ZNF26: variants seen among roughly 807,000 people sequenced by gnomAD.
ZNF26 encodes epididymis luminal protein 179.
Under a neutral mutation model 54.9 loss-of-function variants are expected in ZNF26, and 32 were observed. The observed-to-expected ratio is 0.58, with a 90% CI of 0.44 to 0.78. ZNF26 has a LOEUF of 0.78. ZNF26 is among the 30% of genes least tolerant of loss of function. The probability of loss-of-function intolerance (pLI) is 0.00; values close to 1 mark genes in which losing one functional copy is unlikely to be tolerated. For missense variants in ZNF26, 524 were observed against 634.0 expected, an observed-to-expected ratio of 0.83 and a Z score of 1.86; for synonymous variants, 221 against 209.2, an observed-to-expected ratio of 1.06 and a Z score of -0.49.
At position 133,001,837 on chromosome 12, in the gene ZNF26, A is replaced by G; in HGVS notation, c.34-5205A>G. 1 of 489,114 alleles carries G rather than the reference A, an allele frequency of 2.0e-6. No individual in the cohort carries two copies. Among genetic ancestry groups the G allele is most frequent in the South Asian group, 1.7e-5 (1 of 57,646 alleles). The allele number at this position is 489,114 out of a possible 1,614,324, so 30.3% of individuals were successfully genotyped here. A position where few individuals can be genotyped will look rare whatever the true frequency, so the allele number is the denominator to read the frequency against. ...GCAGTCTTTGCCTTCAGAATTTTTC[A>G]GAGGAAAGCAGTTATTCGATCCTTG... On this transcript the variant is annotated intron_variant, in intron 1 of 3. Coordinates refer to ENST00000328654, the MANE Select transcript of ZNF26 (RefSeq NM_019591.4). This position sits in a 1 kb window ranked among gnomAD's most constrained non-coding sequence, Gnocchi z 4.7.
chr12:132,999,444 G>T (rs1231673481), intron 1 of ZNF26, among the ~76,000 whole-genome samples: 3 of 151,802 alleles, frequency 2.0e-5, no homozygotes, highest in African/African-American at 4.8e-5. Flanking sequence ...TTTAGTAGAG[G>T]TGGGGTTTCA....
chr12:132,992,821 T>C (rs1952992259), intron 1 of ZNF26, among the ~76,000 whole-genome samples: 3 of 145,234 alleles, frequency 2.1e-5, no homozygotes, highest in South Asian at 4.5e-4. Flanking sequence ...GTATTTCCAT[T>C]GTGCATATCT....
chr12:132,990,768 A>G (rs1184534621), intron 1 of ZNF26, among the ~76,000 whole-genome samples: 2 of 152,096 alleles, frequency 1.3e-5, no homozygotes, highest in Non-Finnish European at 1.5e-5. Context: ...GTTTTGGCAG[A>G]TTGTGTCTTT....
chr12:133,007,942 T>C (rs1485143993), intron 3 of ZNF26, among the ~76,000 whole-genome samples: 2 of 152,190 alleles, frequency 1.3e-5, no homozygotes, highest in African/African-American at 4.8e-5. Context: ...TCCCCTAGAC[T>C]TGACTCACAG....
intron 1 of ZNF26, among the ~76,000 whole-genome samples, chr12:132,998,680 C>T (rs1260259873): frequency 1.6e-4 from 24 of 152,148 alleles, no homozygotes; most frequent in African/African-American, 5.6e-4. Flanking sequence ...GACAAGGTAC[C>T]AGGCGAGTCT....
In ZNF26 at chr12:133,011,415, C is replaced by T; in HGVS notation, c.1536C>T (p.Cys512=). Residue 512 remains cysteine, a synonymous_variant, in exon 4 of 4, where the codon TGC becomes TGT. Transcript: ENST00000328654. The part of the protein sequence containing the change: ...RVHTGEKPWK[C]SECGKSFCWN... ...ACACCGGAGAGAAACCATGGAAATG[C>T]TCTGAATGTGGGAAATCCTTCTGTT... The T allele has an allele frequency of 6.3e-7, 1 of 1,598,682 alleles. No individual in the cohort carries two copies. Among genetic ancestry groups the T allele is most frequent in the Non-Finnish European group, 8.5e-7 (1 of 1,173,686 alleles).
rs2137287283 is a variant in ZNF26, at chr12:133,023,748, T to G, written c.*12267T>G. 6.6e-6 allele frequency: 1 copy of G among 152,360 alleles called. No homozygotes were observed. The highest frequency in any genetic ancestry group is 2.4e-5 in the African/African-American group (1 of 41,586). The allele number at this position is 152,360 out of a possible 1,614,324, so 9.4% of individuals were successfully genotyped here. ...GAGTTTTGTTGGCTTGTGAGTCACT[T>G]GTAGCCAAAAGAATGTGGAGGAAGT... On this transcript the variant is annotated 3_prime_UTR_variant, in exon 4 of 4. Transcript: ENST00000328654.
Position 133,017,971 on chromosome 12 carries a change from C to G in ZNF26, c.*6490C>G, listed in dbSNP as rs946498769. The G allele has an allele frequency of 6.6e-6, 1 of 152,116 alleles. No homozygotes were observed. The highest frequency in any genetic ancestry group is 2.1e-4 in the South Asian group (1 of 4,832). The allele number at this position is 152,116 out of a possible 1,614,324, so 9.4% of individuals were successfully genotyped here. A position where few individuals can be genotyped will look rare whatever the true frequency, so the allele number is the denominator to read the frequency against. On this transcript the variant is annotated 3_prime_UTR_variant, in exon 4 of 4. Transcript: ENST00000328654. ...TTGCAGTGAGCCGAGATCACGCCAC[C>G]GCACTTCAGCCTGGGCAACAGAGTG...
chr12:133,000,219 C>T (rs886460022), intron 1 of ZNF26, among the ~76,000 whole-genome samples: 1 of 151,768 alleles, frequency 6.6e-6, no homozygotes. Flanking sequence ...AAAATTTTAA[C>T]AGTTATTTTG....
At chr12:133,002,595 G>A (rs891152492) in intron 1 of ZNF26, among the ~76,000 whole-genome samples, 1 of 151,592 alleles carries the variant, frequency 6.6e-6, no homozygotes, top group Non-Finnish European at 1.5e-5. Flanking sequence ...TCATGACTCT[G>A]TCCCTTACCT....
At chr12:133,004,357 TG>T (rs1212543944) in intron 1 of ZNF26, 1 of 152,234 alleles carries the variant, frequency 6.6e-6, no homozygotes, top group African/African-American at 2.4e-5. Flanking sequence ...ATGCTTAAAT[TG>T]TAGCTGATTA....
chr12:132,998,363 C>T (rs1810036993), intron 1 of ZNF26, among the ~76,000 whole-genome samples: 1 of 152,110 alleles, frequency 6.6e-6, no homozygotes. Context: ...CATAGGGTTT[C>T]ACCATGTTGG....
rs1953625161 is a variant in ZNF26, at chr12:133,020,433, T to G, written c.*8952T>G. 1 of 151,724 alleles carries G rather than the reference T, an allele frequency of 6.6e-6. No homozygotes were observed. The highest frequency in any genetic ancestry group is 6.6e-5 in the Admixed American group (1 of 15,232). The allele number at this position is 151,724 out of a possible 1,614,324, so 9.4% of individuals were successfully genotyped here. ...TGAACTGTACACTTAAAAATGGTAA[T>G]GATGATAATATTTATAATATATTTA... is the stretch of plus-strand genomic sequence containing the variant. On this transcript the variant is annotated 3_prime_UTR_variant, in exon 4 of 4. Transcript: ENST00000328654.
intron 3 of ZNF26, among the ~76,000 whole-genome samples, chr12:133,009,623 A>T (rs936334563): frequency 2.0e-5 from 3 of 151,992 alleles, no homozygotes; most frequent in Non-Finnish European, 4.4e-5. Context: ...AATATGAACA[A>T]CTTTTTGCCA....
intron 1 of ZNF26, among the ~76,000 whole-genome samples, chr12:132,990,821 C>T (rs756812186): frequency 4.1e-4 from 62 of 152,090 alleles, no homozygotes; most frequent in Admixed American, 9.2e-4. Flanking sequence ...AATGTGTGGA[C>T]GTAGAATTGT....
At chr12:132,994,021 C>T (rs1487919602) in intron 1 of ZNF26, among the ~76,000 whole-genome samples, 2 of 152,148 alleles carry the variant, frequency 1.3e-5, no homozygotes, top group African/African-American at 4.8e-5. Flanking sequence ...GTATATCTCT[C>T]TTCCCTCAGG....
Position 133,021,377 on chromosome 12 carries a change from C to CT in ZNF26, c.*9897dup, listed in dbSNP as rs1252823864. On this transcript the variant is annotated 3_prime_UTR_variant, in exon 4 of 4. Coordinates refer to ENST00000328654, the MANE Select transcript of ZNF26 (RefSeq NM_019591.4). The stretch of plus-strand genomic sequence containing the variant: ...TGTTGGCCAGGCTGGTCTTGAACTC[C>CT]TGACCTCAGGTGATCCACCCACCTC... 2 of 151,718 alleles carry CT rather than the reference C, an allele frequency of 1.3e-5. No homozygotes were observed. The highest frequency in any genetic ancestry group is 4.8e-5 in the African/African-American group (2 of 41,386). The allele number at this position is 151,718 out of a possible 1,614,324, so 9.4% of individuals were successfully genotyped here.
intron 1 of ZNF26, among the ~76,000 whole-genome samples, chr12:132,990,418 C>G (rs1952923223): frequency 1.3e-5 from 2 of 152,200 alleles, no homozygotes; most frequent in African/African-American, 4.8e-5. Flanking sequence ...CTGTGGTGTA[C>G]ACTTGTTTTT....
At chr12:132,998,205 C>T (rs767146318) in intron 1 of ZNF26, among the ~76,000 whole-genome samples, 110 of 149,490 alleles carry the variant, frequency 7.4e-4, no homozygotes, top group African/African-American at 1.4e-3. Context: ...CTTGCTCTGT[C>T]GCCCAGGCTG....
Sources: allele counts gnomAD v4.1 joint callset (sites outside exome capture counted in the v4.1 genomes callset), GRCh38; gene constraint gnomAD v4.1.1; non-coding constraint Gnocchi (gnomAD v3.1); transcripts MANE v1.5; gene names NCBI Gene and HGNC (gene_info 2026-07-23, HGNC 2026-07-21).